RHEX: variants seen among roughly 807,000 people sequenced by gnomAD.
RHEX encodes the protein regulator of hemoglobinization and erythroid cell expansion protein.
RHEX carries 18 observed loss-of-function variants against 20.1 expected under a neutral mutation model. That is an observed-to-expected ratio of 0.90 (90% confidence interval 0.62 to 1.33). The LOEUF is 1.33. RHEX is among the 40% of genes most tolerant of loss of function. RHEX has a pLI of 0.00. For missense variants in RHEX, 192 were observed against 214.3 expected (o/e 0.90, Z 0.65); for synonymous variants, 87 against 77.1 (o/e 1.13, Z -0.67).
intron 4 of RHEX, among the ~76,000 whole-genome samples, chr1:206,100,623 C>G (rs933290543): frequency 6.6e-6 from 1 of 152,136 alleles, no homozygotes; most frequent in Non-Finnish European, 1.5e-5. Flanking sequence ...GTTTAGCTGT[C>G]AGGGACCTCA....
In RHEX at chr1:206,101,859, C is replaced by T. The variant is rs781899305; in HGVS notation, c.426C>T (p.Val142=). 4 of 1,613,918 alleles carry T rather than the reference C, an allele frequency of 2.5e-6. No individual in the cohort carries two copies. The South Asian group carries it at 4.4e-5, about 18-fold the overall frequency. The part of the protein sequence containing the change: ...YENIKEITDY[V]NVNPERHKPS... ...ACATAAAGGAAATCACAGATTATGT[C>T]AATGTCAATCCAGAAAGACACAAGC... Residue 142 remains valine, a synonymous_variant, in exon 6 of 6, where the codon GTC becomes GTT. Coordinates refer to ENST00000331555, the MANE Select transcript of RHEX (RefSeq NM_001007544.4).
Position 206,099,752 on chromosome 1 carries a change from G to T in RHEX, c.210G>T (p.Glu70Asp). The T allele has an allele frequency of 6.2e-7, 1 of 1,614,156 alleles. No individual in the cohort carries two copies. Among genetic ancestry groups the T allele is most frequent in the Non-Finnish European group, 8.5e-7 (1 of 1,179,994 alleles). Residue 70 changes from glutamate to aspartate, a missense_variant, in exon 4 of 6, where the codon GAG becomes GAT. Transcript: ENST00000331555. The stretch of plus-strand genomic sequence containing the variant: ...CACCTGCTGTCAAAGAGATGAAGGA[G>T]ACTCAGACAGAGAGAGACATCCCAA... ...HHPPAVKEMK[E>D]TQTERDIPMS...
At position 206,102,340 on chromosome 1, in the gene RHEX, T is replaced by G. The variant is rs1663209929; in HGVS notation, c.*388T>G. On this transcript the variant is annotated 3_prime_UTR_variant, in exon 6 of 6. Coordinates refer to ENST00000331555, the MANE Select transcript of RHEX (RefSeq NM_001007544.4). The stretch of plus-strand genomic sequence containing the variant: ...TTTAAAAAGGTTGAATCAGCTGTTG[T>G]AGAGTTCTATTTGGCAATCTCATGG... 1.0e-5 allele frequency: 2 copies of G among 194,894 alleles called. No individual in the cohort carries two copies. Among genetic ancestry groups the G allele is most frequent in the Non-Finnish European group, 2.1e-5 (2 of 93,586 alleles). 12.1% of individuals were successfully genotyped at this position (194,894 alleles called of 1,614,324 possible).
intron 1 of RHEX, among the ~76,000 whole-genome samples, chr1:206,094,924 A>G (rs1663035281): frequency 6.6e-6 from 1 of 152,222 alleles, no homozygotes; most frequent in Admixed American, 6.5e-5. Flanking sequence ...AATGGAACAT[A>G]TATCAAATTC....
chr1:206,061,067 T>C (rs1196288958), intron 1 of RHEX: 1 of 152,180 alleles, frequency 6.6e-6, no homozygotes, highest in Non-Finnish European at 1.5e-5. Flanking sequence ...CTATATATAG[T>C]ATAAGCCATC....
intron 1 of RHEX, among the ~76,000 whole-genome samples, chr1:206,073,805 G>A (rs560923210): frequency 1.3e-5 from 2 of 152,164 alleles, no homozygotes; most frequent in African/African-American, 2.4e-5. Flanking sequence ...TAAAACATCC[G>A]TTTAATGGCC....
intron 1 of RHEX, among the ~76,000 whole-genome samples, chr1:206,094,549 G>A (rs1553287450): frequency 6.6e-6 from 1 of 152,196 alleles, no homozygotes; most frequent in Non-Finnish European, 1.5e-5. Flanking sequence ...CAAGAACTCT[G>A]TGAAGTAGGA....
At chr1:206,080,982 T>TACACACAC (rs71152465) in intron 1 of RHEX, among the ~76,000 whole-genome samples, 2,230 of 149,874 alleles carry the variant, frequency 0.015, 61 homozygotes, top group African/African-American at 0.051. Flanking sequence ...TTTTTGTACA[T>TACACACAC]ACACACACAC....
intron 1 of RHEX, among the ~76,000 whole-genome samples, chr1:206,075,746 C>T (rs1553285163): frequency 6.6e-6 from 1 of 151,824 alleles, no homozygotes; most frequent in Non-Finnish European, 1.5e-5. Context: ...ATTACGGGTG[C>T]CCACCACTAC....
At chr1:206,061,921 A>G (rs1187995373) in intron 1 of RHEX, 4 of 152,180 alleles carry the variant, frequency 2.6e-5, no homozygotes, top group African/African-American at 9.7e-5. Context: ...TAAAAAAAAA[A>G]AAATACATAG....
Position 206,071,572 on chromosome 1 carries a change from A to G in RHEX, c.-97+18307A>G, listed in dbSNP as rs899338255. Among the ~76,000 whole-genome samples the G allele has an allele frequency of 1.3e-4, 19 of 149,132 alleles. No homozygotes were observed. In the East Asian group the frequency reaches 3.8e-3, roughly 30 times the overall value. On this transcript the variant is annotated intron_variant, in intron 1 of 5. Transcript: ENST00000331555. Reference sequence around the variant, plus strand: ...AAAAAAAAAAAAAAAAAAGGCATTGAGCAGTGACTCACATTTGTCATCCCA... The same window carrying G: ...AAAAAAAAAAAAAAAAAAGGCATTGGGCAGTGACTCACATTTGTCATCCCA...
intron 1 of RHEX, among the ~76,000 whole-genome samples, chr1:206,070,612 A>T (rs1276330083): frequency 6.6e-6 from 1 of 152,234 alleles, no homozygotes; most frequent in Non-Finnish European, 1.5e-5. Flanking sequence ...GGGGAATAGG[A>T]GAAGCCAGCT....
chr1:206,073,588 G>T (rs1470598805), intron 1 of RHEX, among the ~76,000 whole-genome samples: 4 of 152,050 alleles, frequency 2.6e-5, no homozygotes, highest in African/African-American at 9.7e-5. Flanking sequence ...CTGAGTTTTT[G>T]TCACTATGCA....
intron 1 of RHEX, among the ~76,000 whole-genome samples, chr1:206,055,275 C>G (rs1662164576): frequency 6.6e-6 from 1 of 152,266 alleles, no homozygotes; most frequent in Non-Finnish European, 1.5e-5. Flanking sequence ...CTTAGCATTC[C>G]TTGGAGACCT....
chr1:206,080,788 T>A (rs1452850353), intron 1 of RHEX, among the ~76,000 whole-genome samples: 1 of 152,110 alleles, frequency 6.6e-6, no homozygotes, highest in Non-Finnish European at 1.5e-5. Flanking sequence ...CCCAGTAGCC[T>A]CTGAGCAGGA....
At chr1:206,065,487 A>C (rs535052491) in intron 1 of RHEX, among the ~76,000 whole-genome samples, 72 of 152,296 alleles carry the variant, frequency 4.7e-4, no homozygotes, top group Admixed American at 7.8e-4. Context: ...CAGGGACCCC[A>C]CAGACTGGAC....
intron 1 of RHEX, among the ~76,000 whole-genome samples, chr1:206,084,162 A>C (rs1166140029): frequency 6.6e-6 from 1 of 152,188 alleles, no homozygotes; most frequent in Non-Finnish European, 1.5e-5. Flanking sequence ...TCCCTGAGAA[A>C]ACACTCTGAG....
chr1:206,081,812 C>T (rs1361092850), intron 1 of RHEX, among the ~76,000 whole-genome samples: 1 of 151,482 alleles, frequency 6.6e-6, no homozygotes, highest in Non-Finnish European at 1.5e-5. Context: ...ATGAATGTTA[C>T]GTGACATTGG....
chr1:206,077,253 GA>G (rs1206986375), intron 1 of RHEX, among the ~76,000 whole-genome samples: 7 of 149,902 alleles, frequency 4.7e-5, no homozygotes, highest in Admixed American at 1.3e-4. Flanking sequence ...TATGTGAAGT[GA>G]AAAAAAAAGA....
Sources: allele counts gnomAD v4.1 joint callset (sites outside exome capture counted in the v4.1 genomes callset), GRCh38; gene constraint gnomAD v4.1.1; transcripts MANE v1.5; gene names NCBI Gene and HGNC (gene_info 2026-07-23, HGNC 2026-07-21).